NPC1: variants seen among roughly 807,000 people sequenced by gnomAD.
NPC1 encodes the protein Niemann-Pick C1 protein.
A neutral mutation model predicts 140.4 loss-of-function variants in NPC1; 85 were observed. The ratio of observed to expected loss-of-function variants is 0.61; its 90% CI spans 0.51 to 0.72. The LOEUF is 0.72. NPC1 is among the 30% of genes least tolerant of loss of function. The probability of loss-of-function intolerance (pLI) is 0.00; values close to 1 mark genes in which losing one functional copy is unlikely to be tolerated. For missense variants in NPC1, 1,504 were observed against 1,623.8 expected, an observed-to-expected ratio of 0.93 and a Z score of 1.27; for synonymous variants, 656 against 624.8, an observed-to-expected ratio of 1.05 and a Z score of -0.74.
At chr18:23,532,801 A>T in intron 24 of NPC1, 1 of 833,306 alleles carries the variant, frequency 1.2e-6, no homozygotes, top group Non-Finnish European at 1.4e-6. Flanking sequence ...TTAATCTTCT[A>T]CTTCAGTGCT....
At chr18:23,568,659 T>C (rs1384523155) in intron 4 of NPC1, among the ~76,000 whole-genome samples, 164 bp downstream of exon 4, 1 of 152,202 alleles carries the variant, frequency 6.6e-6, no homozygotes, top group Non-Finnish European at 1.5e-5. Flanking sequence ...TTATATTCGT[T>C]GCAGTTCAAG....
chr18:23,573,651 A>T (rs1290046866), intron 1 of NPC1, 77 bp from the exon 2 acceptor site: 13 of 1,570,790 alleles, frequency 8.3e-6, no homozygotes, highest in Middle Eastern at 3.3e-4. Flanking sequence ...CCACTCAAGT[A>T]CAATCACAGA....
chr18:23,541,762 T>C (rs936662829), intron 14 of NPC1, among the ~76,000 whole-genome samples: 2 of 152,224 alleles, frequency 1.3e-5, no homozygotes, highest in African/African-American at 4.8e-5. Flanking sequence ...TATAGTACTT[T>C]CTGTGCTTCA....
At chr18:23,574,468 G>C (rs770276817) in intron 1 of NPC1, among the ~76,000 whole-genome samples, 16 of 152,048 alleles carry the variant, frequency 1.1e-4, no homozygotes, top group Non-Finnish European at 1.3e-4. Flanking sequence ...AATCTGAACA[G>C]AAGTCACAAC....
chr18:23,539,493 C>A (rs764305135), intron 18 of NPC1, 23 bp from the exon 19 acceptor site: 2 of 1,508,832 alleles, frequency 1.3e-6, no homozygotes, highest in South Asian at 1.1e-5. Flanking sequence ...GACAGGGTTA[C>A]TGACCTGCTC....
rs2058923215 is a variant in NPC1, at chr18:23,554,650, T to G, written c.1553+108A>C. ...GATGTAAACTTCACAGGGCAAGGTC[T>G]TGTTGTTTGCTCACCTCTGGGTTAT... On this transcript the variant is annotated intron_variant, in intron 9 of 24. Transcript: ENST00000269228. 1.2e-5 allele frequency: 10 copies of G among 801,552 alleles called. No individual in the cohort carries two copies. In the South Asian group the frequency reaches 1.5e-4, roughly 12 times the overall value. The allele number at this position is 801,552 out of a possible 1,614,324, so 49.7% of individuals were successfully genotyped here. A position where few individuals can be genotyped will look rare whatever the true frequency, so the allele number is the denominator to read the frequency against.
In NPC1 at chr18:23,541,224, GA is replaced by G; in HGVS notation, c.2374-17del. On this transcript the variant is annotated splice_polypyrimidine_tract_variant and intron_variant, in intron 15 of 24. Transcript: ENST00000269228. ...GCCGATTTTTCTGAGGGGACAGAGG[GA>G]AACAAAGGTTATACCCGCTAGCTGC... is the stretch of plus-strand genomic sequence containing the variant. The G allele has an allele frequency of 6.2e-7, 1 of 1,614,166 alleles. No homozygotes were observed.
In NPC1 at chr18:23,545,079, C is replaced by T. The variant is rs1351448016; in HGVS notation, c.1828G>A (p.Glu610Lys). 3 of 1,612,824 alleles carry T rather than the reference C, an allele frequency of 1.9e-6. No individual in the cohort carries two copies. The South Asian group carries it at 3.3e-5, about 18-fold the overall frequency. The change falls in exon 12 of 25, where the codon GAA (glutamate) becomes AAA (lysine). Residue 610 changes from glutamate to lysine, a missense_variant. By Grantham distance (56) the Glu-to-Lys change is moderately conservative (BLOSUM62 1). Coordinates refer to ENST00000269228, the MANE Select transcript of NPC1 (RefSeq NM_000271.5). ...TCACTTTCACGATTTAGTTCATCTT[C>T]AATACTTCGTTCAGCAGTGAAGGAA... ...TISFTAERSI[E>K]DELNRESDSD...
intron 8 of NPC1, among the ~76,000 whole-genome samples, chr18:23,555,621 TAC>T (rs1434891814): frequency 5.9e-5 from 9 of 152,184 alleles, no homozygotes; most frequent in African/African-American, 2.2e-4. Context: ...AAGAAGCCGG[TAC>T]AGTTTATGCA....
chr18:23,575,661 T>C (rs1379988993), intron 1 of NPC1, among the ~76,000 whole-genome samples: 2 of 149,830 alleles, frequency 1.3e-5, no homozygotes, highest in African/African-American at 4.9e-5. Flanking sequence ...GGCAAAGAGG[T>C]TCCAAAGACT....
chr18:23,532,420 A>C (rs2145327600), intron 24 of NPC1, 136 bp from the exon 25 acceptor site: 1 of 912,628 alleles, frequency 1.1e-6, no homozygotes, highest in Non-Finnish European at 1.8e-6. Context: ...TGGACAACAG[A>C]GTGAGACCAC....
At chr18:23,515,987 T>C in intron 3 of NPC1, 1 of 1,614,122 alleles carries the variant, frequency 6.2e-7, no homozygotes, top group Non-Finnish European at 8.5e-7. Context: ...TGCAGCCTTT[T>C]CACTTTAGGG....
chr18:23,533,441 A>G lies in NPC1; in HGVS notation c.3668T>C (p.Ile1223Thr), dbSNP rs1312929475. The G allele has an allele frequency of 1.2e-6, 2 of 1,614,200 alleles. No individual in the cohort carries two copies. The highest frequency in any genetic ancestry group is 3.3e-5 in the Admixed American group (2 of 60,034). Residue 1223 changes from isoleucine (I) to threonine (T), a missense_variant, in exon 24 of 25, where the codon ATA (isoleucine) becomes ACA (threonine). Transcript: ENST00000269228. The stretch of plus-strand genomic sequence containing the variant: ...GGCCAAATACATCCTGAAGTAGAAT[A>G]TCTGGAAAATTTGAGATTTGGCAAA... Reference protein sequence around the residue: ...LAFAKSQIFQIFYFRMYLAMV... With the variant: ...LAFAKSQIFQTFYFRMYLAMV...
Position 23,556,357 on chromosome 18 carries a change from C to G in NPC1, c.1212G>C (p.Arg404=). The G allele has an allele frequency of 6.2e-7, 1 of 1,614,080 alleles. No homozygotes were observed. The highest frequency in any genetic ancestry group is 2.2e-5 in the East Asian group (1 of 44,864). Residue 404 remains arginine, a synonymous_variant, in exon 8 of 25, where the codon CGG becomes CGC. Coordinates refer to ENST00000269228, the MANE Select transcript of NPC1 (RefSeq NM_000271.5). ...GGGCCCGGATGATGAGCTGCTCCGT[C>G]CGGAAGAAAGGCCCAAAGTGCTGGT... ...YFDQHFGPFF[R]TEQLIIRAPL...
At chr18:23,558,393 A>G (rs1221028373) in intron 6 of NPC1, among the ~76,000 whole-genome samples, 11 of 152,380 alleles carry the variant, frequency 7.2e-5, no homozygotes, top group East Asian at 1.9e-4. Flanking sequence ...CGAGAAAGAC[A>G]TAACATGACT....
At chr18:23,579,366 T>G (rs894185153) in intron 1 of NPC1, among the ~76,000 whole-genome samples, 1 of 152,182 alleles carries the variant, frequency 6.6e-6, no homozygotes, top group African/African-American at 2.4e-5. Flanking sequence ...TTGTCAAAAC[T>G]CACAATGAGC....
At chr18:23,552,344 G>A (rs146782129) in intron 9 of NPC1, among the ~76,000 whole-genome samples, 3 of 152,148 alleles carry the variant, frequency 2.0e-5, no homozygotes, top group Non-Finnish European at 2.9e-5. Flanking sequence ...TAGAGCATGG[G>A]GTGCCCACCA....
Position 23,531,774 on chromosome 18 carries a change from A to G in NPC1, c.*428T>C. 6.4e-7 allele frequency: 1 copy of G among 1,572,432 alleles called. No individual in the cohort carries two copies. The highest frequency in any genetic ancestry group is 8.6e-7 in the Non-Finnish European group (1 of 1,165,432). On this transcript the variant is annotated 3_prime_UTR_variant, in exon 25 of 25. Coordinates refer to ENST00000269228, the MANE Select transcript of NPC1 (RefSeq NM_000271.5). ...TTATTGCATTAATAAAGCTCTTTAA[A>G]CTATAAAATGTTATAAAGTGTATCT...
intron 4 of NPC1, among the ~76,000 whole-genome samples, chr18:23,561,829 A>G (rs934076774): frequency 2.0e-5 from 3 of 152,192 alleles, no homozygotes; most frequent in African/African-American, 7.2e-5. Flanking sequence ...TCCCCACTAT[A>G]TAGAAGAGTA....
Sources: gnomAD v4.1 joint callset for allele counts (sites outside exome capture counted in the v4.1 genomes callset) on GRCh38, gnomAD v4.1.1 for gene constraint, MANE v1.5 for transcripts, NCBI Gene and HGNC (gene_info 2026-07-23, HGNC 2026-07-21) for gene names.